UST: variants seen among roughly 807,000 people sequenced by gnomAD.
UST encodes chondroitin sulfate 2-O-sulfotransferase.
UST carries 21 observed loss-of-function variants against 45.6 expected under a neutral mutation model. The observed-to-expected ratio is 0.46, with a 90% CI of 0.33 to 0.66. The LOEUF is 0.66. UST is among the 30% of genes least tolerant of loss of function. The pLI is 0.02. For synonymous variants in UST, 215 were observed against 200.6 expected (o/e 1.07, Z -0.61); for missense variants, 463 against 512.4 (o/e 0.90, Z 0.93).
At chr6:148,924,646 G>A (rs986449065) in intron 2 of UST, among the ~76,000 whole-genome samples, 4 of 152,184 alleles carry the variant, frequency 2.6e-5, no homozygotes, top group Non-Finnish European at 4.4e-5. Flanking sequence ...AGTGTGGGGG[G>A]ACACTCTGAA....
At chr6:148,901,458 C>G (rs1040478833) in intron 2 of UST, among the ~76,000 whole-genome samples, 3 of 151,994 alleles carry the variant, frequency 2.0e-5, no homozygotes, top group Admixed American at 6.6e-5. Context: ...CGTCTCAACA[C>G]AGGACCTCCA....
At chr6:148,916,568 A>G (rs1467622957) in intron 2 of UST, among the ~76,000 whole-genome samples, 1 of 152,182 alleles carries the variant, frequency 6.6e-6, no homozygotes, top group Admixed American at 6.5e-5. Context: ...CAGGAAGCTG[A>G]GGGCAACCTT....
chr6:148,810,440 T>A (rs1358116840), intron 1 of UST, among the ~76,000 whole-genome samples: 3 of 152,236 alleles, frequency 2.0e-5, no homozygotes, highest in Non-Finnish European at 1.5e-5. Context: ...TAATAAGTAT[T>A]GTATGTAGAT....
At chr6:148,865,991 T>C (rs1483845023) in intron 1 of UST, among the ~76,000 whole-genome samples, 1 of 152,068 alleles carries the variant, frequency 6.6e-6, no homozygotes, top group Non-Finnish European at 1.5e-5. Flanking sequence ...TATATAACTT[T>C]AGAATATATG....
chr6:148,963,312 A>AT (rs1562314392), intron 4 of UST, among the ~76,000 whole-genome samples: 1 of 152,208 alleles, frequency 6.6e-6, no homozygotes. Flanking sequence ...TCACGAGGCC[A>AT]TAGGGCTAGA....
chr6:149,010,058 A>C (rs1775780508), intron 5 of UST, among the ~76,000 whole-genome samples: 1 of 151,686 alleles, frequency 6.6e-6, no homozygotes, highest in South Asian at 2.1e-4. Flanking sequence ...ATATATATAT[A>C]ATTTTATCCC....
intron 2 of UST, among the ~76,000 whole-genome samples, chr6:148,926,342 A>C (rs914678199): frequency 4.6e-5 from 7 of 152,260 alleles, no homozygotes; most frequent in African/African-American, 1.7e-4. Context: ...AATTAAAAAG[A>C]GAAAGGCCTA....
At chr6:148,942,833 T>G (rs1367942059) in intron 3 of UST, among the ~76,000 whole-genome samples, 1 of 152,166 alleles carries the variant, frequency 6.6e-6, no homozygotes, top group Non-Finnish European at 1.5e-5. Flanking sequence ...CTTTGCAAAC[T>G]TCCATTAAAA....
chr6:149,056,117 CTTTTTTTTTTTT>C (rs34191810), intron 7 of UST, among the ~76,000 whole-genome samples: 11 of 81,090 alleles, frequency 1.4e-4, no homozygotes, highest in Non-Finnish European at 1.4e-4. Flanking sequence ...CTTTTCTTTT[CTTTTTTTTTTTT>C]TTTTTTTTTT....
At chr6:148,827,989 A>G (rs1005364683) in intron 1 of UST, among the ~76,000 whole-genome samples, 13 of 151,984 alleles carry the variant, frequency 8.6e-5, no homozygotes, top group Admixed American at 2.0e-4. Flanking sequence ...GGAGAAAAAA[A>G]GCTTTTTCAT....
At chr6:149,050,783 C>G (rs750579352) in intron 7 of UST, among the ~76,000 whole-genome samples, 3 of 152,288 alleles carry the variant, frequency 2.0e-5, no homozygotes, top group Middle Eastern at 3.4e-3. Context: ...ACGAATTGTA[C>G]AAAAACATTG....
intron 7 of UST, among the ~76,000 whole-genome samples, chr6:149,065,381 T>C (rs966213490): frequency 1.3e-5 from 2 of 152,242 alleles, no homozygotes; most frequent in Admixed American, 1.3e-4. Flanking sequence ...GGAATGACTT[T>C]TCCATAGCAC....
intron 2 of UST, among the ~76,000 whole-genome samples, chr6:148,915,929 A>C (rs1376412648): frequency 2.6e-5 from 4 of 152,190 alleles, no homozygotes; most frequent in Non-Finnish European, 5.9e-5. Flanking sequence ...GTGGTGGGAC[A>C]TAGATGTTAC....
intron 7 of UST, among the ~76,000 whole-genome samples, chr6:149,047,845 A>C (rs919671541): frequency 7.9e-5 from 12 of 152,232 alleles, no homozygotes; most frequent in South Asian, 2.1e-4. Flanking sequence ...ATGGCCAGTG[A>C]TCTTTTTTTA....
intron 1 of UST, among the ~76,000 whole-genome samples, chr6:148,808,722 G>A (rs1215028752): frequency 6.6e-6 from 1 of 152,178 alleles, no homozygotes; most frequent in Non-Finnish European, 1.5e-5. Context: ...AGCCCCCAAT[G>A]TCATGGTATT....
intron 7 of UST, among the ~76,000 whole-genome samples, chr6:149,056,308 A>T (rs1776566142): frequency 6.6e-6 from 1 of 151,760 alleles, no homozygotes; most frequent in East Asian, 1.9e-4. Flanking sequence ...AGGTTTTGCC[A>T]TGTTGGCCAA....
At chr6:148,776,425 A>T (rs1389165482) in intron 1 of UST, among the ~76,000 whole-genome samples, 1 of 152,200 alleles carries the variant, frequency 6.6e-6, no homozygotes, top group Non-Finnish European at 1.5e-5. Context: ...CCTTTCAGGG[A>T]CTTGGAAATA....
At chr6:148,948,506 C>A (rs1290875472) in intron 3 of UST, among the ~76,000 whole-genome samples, 1 of 152,172 alleles carries the variant, frequency 6.6e-6, no homozygotes, top group African/African-American at 2.4e-5. Flanking sequence ...TACTGATATG[C>A]TGTGATCTGA....
chr6:148,962,303 G>A (rs2114955209), intron 4 of UST, among the ~76,000 whole-genome samples: 1 of 152,364 alleles, frequency 6.6e-6, no homozygotes, highest in Middle Eastern at 3.4e-3. Context: ...GATGGCAGTG[G>A]TGAGGCTGAG....
Sources: allele counts gnomAD v4.1 joint callset (sites outside exome capture counted in the v4.1 genomes callset), GRCh38; gene constraint gnomAD v4.1.1; transcripts MANE v1.5; gene names NCBI Gene and HGNC (gene_info 2026-07-23, HGNC 2026-07-21).